The following DPP10 variants were observed in gnomAD, a reference collection of about 807,000 sequenced individuals.
The protein encoded by DPP10 is inactive dipeptidyl peptidase 10.
DPP10 carries 33 observed loss-of-function variants against 120.9 expected under a neutral mutation model. The ratio of observed to expected loss-of-function variants is 0.27; its 90% CI spans 0.21 to 0.37. DPP10 has a LOEUF of 0.37. Ranked by LOEUF, DPP10 falls within the 10% of genes least tolerant of loss-of-function variation. DPP10 has a pLI of 1.00. For synonymous variants in DPP10, 337 were observed against 326.1 expected, an observed-to-expected ratio of 1.03 and a Z score of -0.36; for missense variants, 816 against 942.8, an observed-to-expected ratio of 0.87 and a Z score of 1.76.
chr2:114,458,891 A>G (rs761838598), intron 1 of DPP10, among the ~76,000 whole-genome samples: 5 of 152,202 alleles, frequency 3.3e-5, no homozygotes, highest in Non-Finnish European at 7.3e-5. Context: ...TCTCTGAGTT[A>G]TTGGGAAATG....
At chr2:115,598,437 A>G (rs1423491195) in intron 5 of DPP10, among the ~76,000 whole-genome samples, 1 of 151,638 alleles carries the variant, frequency 6.6e-6, no homozygotes, top group Non-Finnish European at 1.5e-5. Flanking sequence ...CTAGCTTTTT[A>G]CCTATACCTC....
intron 1 of DPP10, among the ~76,000 whole-genome samples, chr2:114,639,041 C>T (rs973798229): frequency 2.6e-5 from 4 of 151,810 alleles, no homozygotes; most frequent in African/African-American, 7.3e-5. Context: ...GAACACAAAA[C>T]CAAATACTGC....
At position 115,813,136 on chromosome 2, in the gene DPP10, C is replaced by T. The variant is rs887410432; in HGVS notation, c.1701-1657C>T. Among the ~76,000 whole-genome samples, 47 of 147,306 alleles carry T rather than the reference C, an allele frequency of 3.2e-4. 1 individual carries two copies. Among genetic ancestry groups the T allele is most frequent in the African/African-American group, 1.2e-3 (45 of 37,214 alleles). On this transcript the variant is annotated intron_variant, in intron 19 of 25. Coordinates refer to ENST00000410059, the MANE Select transcript of DPP10 (RefSeq NM_020868.6). ...AGCTGGGACTACAGGCGCCCGCCAC[C>T]GCGCCCGGCTAATTTTTTGTATTTT...
At chr2:115,429,013 TAAGAA>T (rs1257657286) in intron 3 of DPP10, among the ~76,000 whole-genome samples, 2 of 150,454 alleles carry the variant, frequency 1.3e-5, no homozygotes, top group African/African-American at 4.9e-5. Flanking sequence ...GGTAGCGACA[TAAGAA>T]AAGTAAAGGG....
intron 1 of DPP10, among the ~76,000 whole-genome samples, chr2:115,255,772 T>A (rs2058957873): frequency 6.6e-6 from 1 of 152,202 alleles, no homozygotes; most frequent in South Asian, 2.1e-4. Flanking sequence ...CTTAGACTAC[T>A]GTGGCCTGGG....
intron 1 of DPP10, among the ~76,000 whole-genome samples, chr2:114,568,795 C>T (rs1024368817): frequency 6.6e-6 from 1 of 152,200 alleles, no homozygotes; most frequent in African/African-American, 2.4e-5. Flanking sequence ...CTTGCTCTTT[C>T]TGTTCATTTG....
chr2:114,462,120 A>C (rs1419567928), intron 1 of DPP10: 17 of 985,294 alleles, frequency 1.7e-5, no homozygotes, highest in Non-Finnish European at 2.0e-5. Context: ...CTTGGAATGA[A>C]ACATTATCCC....
At chr2:115,255,174 C>T (rs1373483018) in intron 1 of DPP10, among the ~76,000 whole-genome samples, 6 of 152,316 alleles carry the variant, frequency 3.9e-5, no homozygotes, top group African/African-American at 9.6e-5. Context: ...GGCGGAGGTT[C>T]CCAAATCTCA....
At chr2:115,613,345 A>G (rs2084255399) in intron 5 of DPP10, among the ~76,000 whole-genome samples, 1 of 152,222 alleles carries the variant, frequency 6.6e-6, no homozygotes, top group Non-Finnish European at 1.5e-5. Context: ...TAACAGTGGC[A>G]TAAAGTATTA....
chr2:115,160,840 C>A (rs990919275), intron 1 of DPP10, among the ~76,000 whole-genome samples: 1 of 152,066 alleles, frequency 6.6e-6, no homozygotes, highest in Non-Finnish European at 1.5e-5. Context: ...AAGCTCCCTG[C>A]AGCCAGGGGA....
At chr2:115,822,097 G>C (rs542832323) in intron 21 of DPP10, among the ~76,000 whole-genome samples, 13 of 151,854 alleles carry the variant, frequency 8.6e-5, no homozygotes, top group Non-Finnish European at 1.6e-4. Context: ...TTTTATTTTC[G>C]TTTGTAGTTT....
chr2:115,445,140 C>G (rs1383448518), intron 3 of DPP10, among the ~76,000 whole-genome samples: 2 of 152,152 alleles, frequency 1.3e-5, no homozygotes, highest in Admixed American at 1.3e-4. Flanking sequence ...TGCCTTCTGC[C>G]ATAATTGTAA....
intron 1 of DPP10, among the ~76,000 whole-genome samples, chr2:115,034,196 G>A (rs563127255): frequency 7.9e-5 from 12 of 151,904 alleles, no homozygotes; most frequent in African/African-American, 2.4e-4. Flanking sequence ...CTCCCGGCCT[G>A]GCCAATATCT....
intron 3 of DPP10, among the ~76,000 whole-genome samples, chr2:115,413,354 G>T (rs2069109022): frequency 6.6e-6 from 1 of 152,098 alleles, no homozygotes; most frequent in Admixed American, 6.6e-5. Flanking sequence ...AGCAAACAGA[G>T]ACCATGAATC....
At chr2:114,708,641 AAGG>A (rs1242851593) in intron 1 of DPP10, among the ~76,000 whole-genome samples, 1 of 152,240 alleles carries the variant, frequency 6.6e-6, no homozygotes, top group African/African-American at 2.4e-5. Flanking sequence ...TGGTAAAAAA[AAGG>A]AGGAAAGAAA....
chr2:114,800,251 C>A (rs894262136), intron 1 of DPP10, among the ~76,000 whole-genome samples: 1 of 152,102 alleles, frequency 6.6e-6, no homozygotes, highest in African/African-American at 2.4e-5. Context: ...AAAAGATAGT[C>A]ATTAATAACA....
intron 1 of DPP10, among the ~76,000 whole-genome samples, chr2:115,034,166 A>G: frequency 6.6e-6 from 1 of 151,954 alleles, no homozygotes; most frequent in Non-Finnish European, 1.5e-5. Flanking sequence ...GAGTGCTGGG[A>G]TTACAGGTGT....
At chr2:114,456,301 G>T (rs1277013892) in intron 1 of DPP10, among the ~76,000 whole-genome samples, 1 of 152,218 alleles carries the variant, frequency 6.6e-6, no homozygotes. Context: ...GGGTCTGGGA[G>T]AGATGGACTA....
At chr2:114,744,117 G>A (rs1431343720) in intron 1 of DPP10, among the ~76,000 whole-genome samples, 1 of 152,172 alleles carries the variant, frequency 6.6e-6, no homozygotes. Flanking sequence ...GCACAGAACA[G>A]TGTAAAGTTC....
Sources: gnomAD v4.1 joint callset for allele counts (sites outside exome capture counted in the v4.1 genomes callset) on GRCh38, gnomAD v4.1.1 for gene constraint, MANE v1.5 for transcripts, NCBI Gene and HGNC (gene_info 2026-07-23, HGNC 2026-07-21) for gene names.